Variants in CCSER1 observed in about 807,000 individuals in gnomAD.
CCSER1 encodes coiled-coil serine rich protein 1.
In CCSER1, 41 loss-of-function variants were observed where a neutral mutation model predicts 82.0. That is an observed-to-expected ratio of 0.50 (90% CI 0.39 to 0.65). The LOEUF (loss-of-function observed/expected upper bound fraction) is 0.65. Among genes scored for constraint, CCSER1 ranks in the 30% least tolerant of loss-of-function variants. CCSER1 has a pLI of 0.00. For synonymous variants in CCSER1, 414 were observed against 383.9 expected, an observed-to-expected ratio of 1.08 and a Z score of -0.92; for missense variants, 1,119 against 1,064.2, an observed-to-expected ratio of 1.05 and a Z score of -0.72.
At chr4:91,056,645 C>T (rs982825719) in intron 9 of CCSER1, among the ~76,000 whole-genome samples, 24 of 152,146 alleles carry the variant, frequency 1.6e-4, no homozygotes, top group African/African-American at 5.8e-4. Context: ...CAGATCATAG[C>T]ATAAGCCTGT....
intron 6 of CCSER1, among the ~76,000 whole-genome samples, chr4:90,651,638 G>C (rs1214032579): frequency 2.0e-5 from 3 of 151,746 alleles, no homozygotes; most frequent in African/African-American, 7.3e-5. Flanking sequence ...GTATACCTAC[G>C]TAACAAAACT....
intron 3 of CCSER1, among the ~76,000 whole-genome samples, chr4:90,325,108 G>A (rs772755595): frequency 1.3e-5 from 2 of 152,124 alleles, no homozygotes; most frequent in Admixed American, 6.6e-5. Flanking sequence ...TTGCTCACCT[G>A]ACTTTTGGTT....
intron 10 of CCSER1, among the ~76,000 whole-genome samples, chr4:91,454,759 A>G (rs1578499287): frequency 1.3e-5 from 2 of 151,968 alleles, no homozygotes; most frequent in East Asian, 3.9e-4. Context: ...TATATGTGTC[A>G]ACTAACAACA....
chr4:90,293,562 GTTAT>G (rs1478282967), intron 1 of CCSER1, among the ~76,000 whole-genome samples: 3 of 149,752 alleles, frequency 2.0e-5, no homozygotes, highest in African/African-American at 7.3e-5. Context: ...GAAACTGCAG[GTTAT>G]TTATTATAAA....
chr4:90,948,882 A>G (rs35153220), intron 9 of CCSER1, among the ~76,000 whole-genome samples: 99,534 of 151,248 alleles, frequency 0.66, 33,036 homozygotes, highest in Non-Finnish European at 0.7. Context: ...GCTATGAACC[A>G]TATAATACCA....
chr4:91,003,096 G>A (rs1371688175), intron 9 of CCSER1, among the ~76,000 whole-genome samples: 2 of 152,182 alleles, frequency 1.3e-5, no homozygotes, highest in Non-Finnish European at 2.9e-5. Context: ...CCTGTGATGT[G>A]AACCATCTGC....
At chr4:90,932,821 C>A (rs1363056417) in intron 9 of CCSER1, among the ~76,000 whole-genome samples, 2 of 102,468 alleles carry the variant, frequency 2.0e-5, no homozygotes, top group Non-Finnish European at 3.9e-5. Context: ...GAGCAAGACT[C>A]CGTCTCCAAA....
At chr4:91,401,994 G>C (rs1012959460) in intron 10 of CCSER1, among the ~76,000 whole-genome samples, 3 of 152,182 alleles carry the variant, frequency 2.0e-5, no homozygotes, top group Non-Finnish European at 2.9e-5. Flanking sequence ...CACAATGGTT[G>C]AACTAGTTTA....
chr4:91,025,844 G>A (rs988973166), intron 9 of CCSER1, among the ~76,000 whole-genome samples: 9 of 152,234 alleles, frequency 5.9e-5, no homozygotes, highest in African/African-American at 2.2e-4. Flanking sequence ...GTGTATGTGT[G>A]TGTTTGGTTT....
intron 10 of CCSER1, among the ~76,000 whole-genome samples, chr4:91,429,128 C>G (rs1754152720): frequency 6.6e-6 from 1 of 151,806 alleles, no homozygotes; most frequent in Non-Finnish European, 1.5e-5. Context: ...TTTTTCTTTT[C>G]AAGCTATTAT....
intron 4 of CCSER1, among the ~76,000 whole-genome samples, chr4:90,448,705 G>C (rs1211153473): frequency 6.6e-6 from 1 of 151,590 alleles, no homozygotes; most frequent in Non-Finnish European, 1.5e-5. Flanking sequence ...ATCTATTTTT[G>C]TTGTTAATTA....
At chr4:90,733,147 A>C (rs1016335348) in intron 7 of CCSER1, among the ~76,000 whole-genome samples, 1 of 152,236 alleles carries the variant, frequency 6.6e-6, no homozygotes, top group African/African-American at 2.4e-5. Flanking sequence ...CATTCCCACC[A>C]ACATTGTATG....
rs533939333 is a variant in CCSER1 at position 91,268,195 on chromosome 4, CA to C, written c.2217+182204del. On this transcript the variant is annotated intron_variant, in intron 10 of 10. Transcript: ENST00000509176. ...ATTTCTACTATGTGTATAACTATGG[CA>C]AATAACATTAGAGGTAAATAAAAAA... Among the ~76,000 whole-genome samples, 260 of 152,138 alleles carry C rather than the reference CA, an allele frequency of 1.7e-3. 2 individuals carry two copies. The highest frequency in any genetic ancestry group is 5.8e-3 in the African/African-American group (242 of 41,502).
intron 10 of CCSER1, among the ~76,000 whole-genome samples, chr4:91,157,265 T>C (rs1730907719): frequency 6.6e-6 from 1 of 151,960 alleles, no homozygotes; most frequent in Non-Finnish European, 1.5e-5. Flanking sequence ...TAAATACTAA[T>C]AGTCATTTTA....
At chr4:90,690,328 TG>T (rs1436077480) in intron 6 of CCSER1, among the ~76,000 whole-genome samples, 2 of 152,056 alleles carry the variant, frequency 1.3e-5, no homozygotes, top group African/African-American at 4.8e-5. Context: ...CTAATCTGCT[TG>T]CTACCATAAA....
chr4:91,284,170 C>T (rs949377845), intron 10 of CCSER1, among the ~76,000 whole-genome samples: 1 of 152,124 alleles, frequency 6.6e-6, no homozygotes, highest in Non-Finnish European at 1.5e-5. Flanking sequence ...CACTCTCTCT[C>T]TCAACTCAGT....
chr4:90,629,516 G>A (rs1474479630), intron 6 of CCSER1, among the ~76,000 whole-genome samples: 2 of 152,138 alleles, frequency 1.3e-5, no homozygotes, highest in African/African-American at 4.8e-5. Context: ...ACTACCATGA[G>A]AACTGTATGT....
intron 8 of CCSER1, among the ~76,000 whole-genome samples, chr4:90,881,291 G>A (rs1428484459): frequency 6.6e-6 from 1 of 151,780 alleles, no homozygotes; most frequent in Non-Finnish European, 1.5e-5. Context: ...AGAGGAGAGA[G>A]GCAGAGACTG....
At chr4:90,716,932 TC>T (rs966851048) in intron 6 of CCSER1, among the ~76,000 whole-genome samples, 7 of 152,170 alleles carry the variant, frequency 4.6e-5, no homozygotes, top group Non-Finnish European at 8.8e-5. Flanking sequence ...TACCAAAGAT[TC>T]CCTTGGAACT....
Sources: gnomAD v4.1 joint callset for allele counts (sites outside exome capture counted in the v4.1 genomes callset) on GRCh38, gnomAD v4.1.1 for gene constraint, MANE v1.5 for transcripts, NCBI Gene and HGNC (gene_info 2026-07-23, HGNC 2026-07-21) for gene names.